ACAT1: variants seen among roughly 807,000 people sequenced by gnomAD.
ACAT1 encodes the protein acetyl-CoA acetyltransferase, mitochondrial.
A neutral mutation model predicts 47.3 loss-of-function variants in ACAT1; 28 were observed. The observed-to-expected ratio is 0.59, with a 90% CI of 0.44 to 0.81. ACAT1 has a LOEUF of 0.81. Among genes scored for constraint, ACAT1 ranks in the 30% least tolerant of loss-of-function variants. ACAT1 has a pLI of 0.00. For missense variants in ACAT1, 469 were observed against 524.3 expected (o/e 0.89, Z 1.03); for synonymous variants, 181 against 173.6 (o/e 1.04, Z -0.34).
chr11:108,120,125 G>A (rs988006932), upstream of ACAT1, among the ~76,000 whole-genome samples: 5 of 151,980 alleles, frequency 3.3e-5, no homozygotes, highest in Admixed American at 6.6e-5. Flanking sequence ...AGGCTGAGGC[G>A]AACTCAGGAG....
Position 108,139,981 on chromosome 11 carries a change from T to C in ACAT1, c.580-84T>C, listed in dbSNP as rs150532910. The C allele has an allele frequency of 8.3e-4, 1,236 of 1,480,694 alleles. 7 individuals carry two copies. The African/African-American group carries it at 0.014, about 17-fold the overall frequency. 91.7% of individuals were successfully genotyped at this position (1,480,694 alleles called of 1,614,324 possible). A position where few individuals can be genotyped will look rare whatever the true frequency, so the allele number is the denominator to read the frequency against. ...AATATATTTTAAGAAACGTTAACTA[T>C]TAAACACTATAAGTTAGGCAAAGTT... On this transcript the variant is annotated intron_variant, in intron 6 of 11. Coordinates refer to ENST00000265838, the MANE Select transcript of ACAT1 (RefSeq NM_000019.4).
rs112947074 is a variant in ACAT1 at position 108,121,702 on chromosome 11, C to A, written c.72+24C>A. 2.7e-3 allele frequency: 4,131 copies of A among 1,546,250 alleles called. 87 individuals are homozygous for A. In the African/African-American group the frequency reaches 0.048, roughly 18 times the overall value. On this transcript the variant is annotated intron_variant, in intron 1 of 11. Coordinates refer to ENST00000265838, the MANE Select transcript of ACAT1 (RefSeq NM_000019.4). ...AGGTGAGCGGGGTTCGTCCCCACAG[C>A]ACTCAGACCCGGGATGCGAGGAGTC...
At chr11:108,121,732 C>T (rs2077153205) in intron 1 of ACAT1, 54 bp downstream of exon 1, 2 of 1,530,314 alleles carry the variant, frequency 1.3e-6, no homozygotes, top group Admixed American at 3.9e-5. Flanking sequence ...GGAGTCCCCG[C>T]CTCGGAAGCT....
rs58895803 is a variant in ACAT1 at position 108,145,573 on chromosome 11, C to T, written c.1006-629C>T. 1.1e-3 allele frequency among the ~76,000 whole-genome samples: 170 copies of T among 152,074 alleles called. 1 individual carries two copies. The highest frequency in any genetic ancestry group is 3.4e-3 in the African/African-American group (141 of 41,512). On this transcript the variant is annotated intron_variant, in intron 10 of 11. Coordinates refer to ENST00000265838, the MANE Select transcript of ACAT1 (RefSeq NM_000019.4). Reference sequence around the variant, plus strand: ...CAACAAAAAAGAATATAGAACCAAGCAACACACAATCAGTAAAGCAGAGCT... The same window carrying T: ...CAACAAAAAAGAATATAGAACCAAGTAACACACAATCAGTAAAGCAGAGCT...
chr11:108,132,975 A>G (rs1295083367), intron 2 of ACAT1, among the ~76,000 whole-genome samples: 1 of 151,358 alleles, frequency 6.6e-6, no homozygotes, highest in Non-Finnish European at 1.5e-5. Flanking sequence ...ACCTGAGGTT[A>G]GGAGTTCAAG....
chr11:108,124,011 AT>A (rs2077201063), intron 1 of ACAT1, among the ~76,000 whole-genome samples: 1 of 152,144 alleles, frequency 6.6e-6, no homozygotes, highest in Admixed American at 6.5e-5. Context: ...GTCTGTCTGC[AT>A]TACTGTAGGC....
rs1316930107 is a variant in ACAT1, at chr11:108,133,878, C to T, written c.179C>T (p.Ser60Phe). 1 of 1,613,996 alleles carries T rather than the reference C, an allele frequency of 6.2e-7. No individual in the cohort carries two copies. Among genetic ancestry groups the T allele is most frequent in the Non-Finnish European group, 8.5e-7 (1 of 1,180,040 alleles). Residue 60 changes from serine (S) to phenylalanine (F), a missense_variant, in exon 3 of 12, where the codon TCC becomes TTC. Physicochemically the swap from Ser to Phe is radical, Grantham distance 155 (BLOSUM62 -2). Coordinates refer to ENST00000265838, the MANE Select transcript of ACAT1 (RefSeq NM_000019.4). The part of the protein sequence containing the change: ...TPIGSFLGSL[S>F]LLPATKLGSI... ...ATTGGATCTTTTTTAGGCAGCCTTT[C>T]CTTGCTGCCAGCCACTAAGCTTGGT...
chr11:108,147,421 A>T lies in ACAT1; in HGVS notation c.*31A>T. The T allele has an allele frequency of 1.2e-6, 2 of 1,611,772 alleles. No homozygotes were observed. Among genetic ancestry groups the T allele is most frequent in the Non-Finnish European group, 1.7e-6 (2 of 1,179,072 alleles). On this transcript the variant is annotated 3_prime_UTR_variant, in exon 12 of 12. Coordinates refer to ENST00000265838, the MANE Select transcript of ACAT1 (RefSeq NM_000019.4). ...CTCTGCTATTTAAGGAGACAACCCT[A>T]TGTGACCAGAAGGCCTGCTGTAATC...
At chr11:108,142,412 A>G (rs1242808628) in intron 8 of ACAT1, 25 bp from the exon 9 acceptor site, 3 of 1,559,772 alleles carry the variant, frequency 1.9e-6, no homozygotes, top group Non-Finnish European at 2.7e-6. Flanking sequence ...GAATGTTTTG[A>G]CTTCAACCTC....
Position 108,123,237 on chromosome 11 carries a change from TA to T in ACAT1, c.72+1568del, listed in dbSNP as rs928692872. ...TGGGCAACAGAGTGAGACTCCGTCT[TA>T]AAAAAAAAGATCTTAAAATGAAACA... On this transcript the variant is annotated intron_variant, in intron 1 of 11. Transcript: ENST00000265838. Among the ~76,000 whole-genome samples the T allele has an allele frequency of 6.0e-5, 9 of 150,650 alleles. No homozygotes were observed. The South Asian group carries it at 8.4e-4, about 14-fold the overall frequency.
rs10682490 is a variant in ACAT1 at position 108,141,783 on chromosome 11, A to AAAGT, written c.826+85_826+86insGTAA. On this transcript the variant is annotated intron_variant, in intron 8 of 11. Transcript: ENST00000265838. ...CTTAGAATTGCCTAAGGATTTTGAA[A>AAAGT]AATTCTAGAAAACATCTAGATGTTA... 1 allele frequency: 905,583 copies of AAAGT among 909,784 alleles called. 450,737 individuals carry two copies. The highest frequency in any genetic ancestry group is 1 in the East Asian group (39,268 of 39,268). The allele number at this position is 909,784 out of a possible 1,614,324, so 56.4% of individuals were successfully genotyped here.
intron 5 of ACAT1, among the ~76,000 whole-genome samples, chr11:108,138,202 G>T (rs1301925021): frequency 6.6e-6 from 1 of 151,870 alleles, no homozygotes; most frequent in Non-Finnish European, 1.5e-5. Flanking sequence ...AGCCAGGATG[G>T]TCTCGATTTC....
chr11:108,122,317 CAG>C (rs968212175), intron 1 of ACAT1, among the ~76,000 whole-genome samples: 3 of 152,226 alleles, frequency 2.0e-5, no homozygotes, highest in Non-Finnish European at 4.4e-5. Flanking sequence ...ACAGCAGGGG[CAG>C]AGTCTCAAAG....
chr11:108,121,783 C>A, intron 1 of ACAT1, 105 bp downstream of exon 1: 2 of 1,306,756 alleles, frequency 1.5e-6, no homozygotes, highest in Non-Finnish European at 2.1e-6. Context: ...CCCGGGCGCG[C>A]GGCTTAGGCC....
At chr11:108,140,703 A>T (rs2077567537) in intron 7 of ACAT1, among the ~76,000 whole-genome samples, 1 of 152,230 alleles carries the variant, frequency 6.6e-6, no homozygotes, top group East Asian at 1.9e-4. Context: ...TAGGGTTCTC[A>T]AAAAGGAGAG....
rs549614239 is a variant in ACAT1 at position 108,139,199 on chromosome 11, C to T, written c.579+158C>T. The T allele has an allele frequency of 5.6e-5, 51 of 908,560 alleles. No homozygotes were observed. The African/African-American group carries it at 7.2e-4, about 13-fold the overall frequency. The allele number at this position is 908,560 out of a possible 1,614,324, so 56.3% of individuals were successfully genotyped here. A position where few individuals can be genotyped will look rare whatever the true frequency, so the allele number is the denominator to read the frequency against. On this transcript the variant is annotated intron_variant, in intron 6 of 11. Transcript: ENST00000265838. Reference sequence around the variant, plus strand: ...GAATATTTTTGTATGCCTATTGCATCGGCATGGCTCAGTCATTAAAGAAAT... The same window carrying T: ...GAATATTTTTGTATGCCTATTGCATTGGCATGGCTCAGTCATTAAAGAAAT...
Position 108,121,581 on chromosome 11 carries a change from G to T in ACAT1, c.-26G>T. The T allele has an allele frequency of 6.5e-7, 1 of 1,549,478 alleles. No homozygotes were observed. Among genetic ancestry groups the T allele is most frequent in the Non-Finnish European group, 8.7e-7 (1 of 1,146,298 alleles). ...AGGAGGCCGCTAGTCTACGCCTGTG[G>T]AGCCGATACTCAGCCCTCTGCGACC... is the stretch of plus-strand genomic sequence containing the variant. On this transcript the variant is annotated 5_prime_UTR_variant, in exon 1 of 12. Coordinates refer to ENST00000265838, the MANE Select transcript of ACAT1 (RefSeq NM_000019.4).
At chr11:108,130,496 T>G (rs936467784) in intron 1 of ACAT1, among the ~76,000 whole-genome samples, 6 of 146,490 alleles carry the variant, frequency 4.1e-5, no homozygotes, top group African/African-American at 1.3e-4. Context: ...CAGGTTCAAG[T>G]GATTCTCCTG....
chr11:108,141,315 G>A (rs1457555346), intron 7 of ACAT1, among the ~76,000 whole-genome samples: 1 of 140,936 alleles, frequency 7.1e-6, no homozygotes, highest in East Asian at 2.2e-4. Context: ...GGCCTGGAGA[G>A]GATGAGGTAA....
Sources: gnomAD v4.1 joint callset for allele counts (sites outside exome capture counted in the v4.1 genomes callset) on GRCh38, gnomAD v4.1.1 for gene constraint, MANE v1.5 for transcripts, NCBI Gene and HGNC (gene_info 2026-07-23, HGNC 2026-07-21) for gene names.